The following DENND5A variants were observed in gnomAD, a reference collection of about 807,000 sequenced individuals.
DENND5A encodes the protein DENN domain-containing protein 5A.
A neutral mutation model predicts 140.3 loss-of-function variants in DENND5A; 64 were observed. The observed-to-expected ratio is 0.46, with a 90% CI of 0.37 to 0.56. The LOEUF is 0.56. Among genes scored for constraint, DENND5A ranks in the 20% least tolerant of loss-of-function variants. DENND5A has a pLI of 0.00. For missense variants in DENND5A, 1,292 were observed against 1,593.8 expected (o/e 0.81, Z 3.22); for synonymous variants, 605 against 607.7 (o/e 1.00, Z 0.07).
At position 9,265,028 on chromosome 11, in the gene DENND5A, G is replaced by C; in HGVS notation, c.42C>G (p.Arg14=). The C allele has an allele frequency of 1.3e-6, 2 of 1,569,222 alleles. No individual in the cohort carries two copies. Among genetic ancestry groups the C allele is most frequent in the Non-Finnish European group, 8.6e-7 (1 of 1,161,122 alleles). The change falls in exon 1 of 23, where the codon CGC becomes CGG. Residue 14 remains arginine (R), a synonymous_variant. Coordinates refer to ENST00000328194, the MANE Select transcript of DENND5A (RefSeq NM_015213.4). The surrounding 1 kb of genome is among the most constrained non-coding windows in gnomAD (Gnocchi z 4.7). ...GGGGGGSAPS[R]FADYFVICGL... ...CGCAGATGACAAAGTAGTCGGCGAAGCGACTGGGCGCCGAGCCCCCTCCGC... is the reference window on the plus strand; with the variant it reads ...CGCAGATGACAAAGTAGTCGGCGAACCGACTGGGCGCCGAGCCCCCTCCGC...
At chr11:9,139,994 A>C in intron 22 of DENND5A, 140 bp from the exon 23 acceptor site, 1 of 1,008,716 alleles carries the variant, frequency 9.9e-7, no homozygotes, top group Non-Finnish European at 1.4e-6. Flanking sequence ...CCCCTTTCCC[A>C]AACAGGGACT....
intron 4 of DENND5A, among the ~76,000 whole-genome samples, chr11:9,201,267 C>T (rs938141981): frequency 6.6e-6 from 1 of 151,198 alleles, no homozygotes; most frequent in African/African-American, 2.4e-5. Flanking sequence ...CCCAGCTACT[C>T]AGGCGGCTGA....
intron 1 of DENND5A, among the ~76,000 whole-genome samples, chr11:9,212,198 T>G (rs549698754): frequency 6.6e-6 from 1 of 151,860 alleles, no homozygotes; most frequent in Non-Finnish European, 1.5e-5. Context: ...CCAGCCTAGG[T>G]AACACAGCAA....
intron 8 of DENND5A, among the ~76,000 whole-genome samples, chr11:9,174,154 T>C (rs1485913370): frequency 8.1e-6 from 1 of 123,386 alleles, no homozygotes; most frequent in Non-Finnish European, 1.8e-5. Context: ...AAATATTCAA[T>C]TAGTACACAA....
intron 11 of DENND5A, 147 bp from the exon 12 acceptor site, chr11:9,161,012 C>A (rs1057097494): frequency 2.6e-6 from 2 of 780,858 alleles, no homozygotes; most frequent in Non-Finnish European, 4.1e-6. Context: ...TATATTTATA[C>A]CCATGTAGGT....
At chr11:9,207,456 G>T in intron 2 of DENND5A, 105 bp downstream of exon 2, 1 of 804,526 alleles carries the variant, frequency 1.2e-6, no homozygotes, top group Non-Finnish European at 2.0e-6. Context: ...GGTCAAAAAA[G>T]GCACAAGAAA....
intron 5 of DENND5A, among the ~76,000 whole-genome samples, chr11:9,182,618 T>A (rs946584957): frequency 6.6e-6 from 1 of 152,244 alleles, no homozygotes; most frequent in African/African-American, 2.4e-5. Context: ...GCAATATGGA[T>A]GAGCCTGGAG....
chr11:9,220,191 C>T (rs909134363), intron 1 of DENND5A, among the ~76,000 whole-genome samples: 1 of 152,110 alleles, frequency 6.6e-6, no homozygotes, highest in Admixed American at 6.6e-5. Flanking sequence ...TGCTTAAACG[C>T]CTGTGGCATA....
chr11:9,250,902 G>A (rs2136289671), intron 1 of DENND5A, among the ~76,000 whole-genome samples: 1 of 152,238 alleles, frequency 6.6e-6, no homozygotes, highest in South Asian at 2.1e-4. Context: ...GGCAGGCTGA[G>A]GCGGGTGGGT....
chr11:9,263,030 C>T (rs1228211315), intron 1 of DENND5A, among the ~76,000 whole-genome samples: 1 of 151,830 alleles, frequency 6.6e-6, no homozygotes, highest in East Asian at 1.9e-4. Context: ...CGTGAGCCAC[C>T]GCGCCCGGCC....
At chr11:9,180,701 C>G (rs751721145) in intron 6 of DENND5A, 66 bp downstream of exon 6, 2 of 1,501,238 alleles carry the variant, frequency 1.3e-6, no homozygotes, top group Non-Finnish European at 1.8e-6. Flanking sequence ...CATCCCATAC[C>G]TTACTTCACC....
intron 10 of DENND5A, among the ~76,000 whole-genome samples, chr11:9,167,211 A>C (rs1267783945): frequency 6.6e-6 from 1 of 152,002 alleles, no homozygotes; most frequent in African/African-American, 2.4e-5. Context: ...CCCTTCCCCC[A>C]TATTTATTCC....
chr11:9,191,932 T>C (rs1205626874), intron 5 of DENND5A, among the ~76,000 whole-genome samples: 1 of 152,240 alleles, frequency 6.6e-6, no homozygotes, highest in Non-Finnish European at 1.5e-5. Flanking sequence ...TCCAGTCGAC[T>C]CTTCAGGTTT....
intron 12 of DENND5A, among the ~76,000 whole-genome samples, chr11:9,157,476 C>A (rs1046480287): frequency 4.6e-5 from 7 of 152,324 alleles, no homozygotes; most frequent in Admixed American, 3.9e-4. Flanking sequence ...AGTCCTCTCC[C>A]TCCTCCCACT....
intron 1 of DENND5A, among the ~76,000 whole-genome samples, chr11:9,256,530 T>C (rs2136299597): frequency 6.6e-6 from 1 of 152,318 alleles, no homozygotes; most frequent in East Asian, 1.9e-4. Flanking sequence ...TGTTGTATAT[T>C]CATACCATGG....
chr11:9,153,500 A>G (rs902076735), intron 12 of DENND5A, among the ~76,000 whole-genome samples: 6 of 152,122 alleles, frequency 3.9e-5, no homozygotes, highest in Non-Finnish European at 5.9e-5. Flanking sequence ...AAATATTTAA[A>G]GTTATTCCTT....
chr11:9,171,036 T>C, intron 8 of DENND5A: 1 of 451,602 alleles, frequency 2.2e-6, no homozygotes, highest in Non-Finnish European at 3.8e-6. Context: ...CCCCTAGAAC[T>C]ATCCCAGCTA....
Position 9,248,642 on chromosome 11 carries a change from G to A in DENND5A, c.109+16319C>T, listed in dbSNP as rs902126189. 2.0e-5 allele frequency among the ~76,000 whole-genome samples: 3 copies of A among 151,228 alleles called. No homozygotes were observed. The East Asian group carries it at 6.0e-4, about 30-fold the overall frequency. ...GCATTCCAGCCTGGGCAAAAGAGAG[G>A]GGTATAATGAGGGATGGCCAACCTC... is the stretch of plus-strand genomic sequence containing the variant. On this transcript the variant is annotated intron_variant, in intron 1 of 22. Transcript: ENST00000328194.
At chr11:9,145,960 C>G in intron 16 of DENND5A, 145 bp from the exon 17 acceptor site, 1 of 847,466 alleles carries the variant, frequency 1.2e-6, no homozygotes, top group East Asian at 2.4e-5. Context: ...AAGAGGGCCC[C>G]AGGACCTAGT....
Sources: gnomAD v4.1 joint callset for allele counts (sites outside exome capture counted in the v4.1 genomes callset) on GRCh38, gnomAD v4.1.1 for gene constraint, Gnocchi (gnomAD v3.1) non-coding constraint, MANE v1.5 for transcripts, NCBI Gene and HGNC (gene_info 2026-07-23, HGNC 2026-07-21) for gene names.